KPNA3: variants seen among roughly 807,000 people sequenced by gnomAD.
KPNA3 encodes the protein karyopherin subunit alpha 3, also known as importin subunit alpha-4.
In KPNA3, 13 loss-of-function variants were observed where a neutral mutation model predicts 73.8. That is an observed-to-expected ratio of 0.18 (90% CI 0.11 to 0.28). The LOEUF is 0.28. Among genes scored for constraint, KPNA3 ranks in the 10% least tolerant of loss-of-function variants. The probability of loss-of-function intolerance (pLI) is 1.00; values close to 1 mark genes in which losing one functional copy is unlikely to be tolerated. For missense variants in KPNA3, 360 were observed against 618.1 expected (o/e 0.58, Z 4.43); for synonymous variants, 186 against 206.9 (o/e 0.90, Z 0.87).
chr13:49,707,716 CTA>C (rs1276383009), intron 12 of KPNA3, among the ~76,000 whole-genome samples: 2 of 151,562 alleles, frequency 1.3e-5, no homozygotes, highest in Non-Finnish European at 1.5e-5. Context: ...AAAAAATCAC[CTA>C]TATTGTTAAA....
chr13:49,763,705 GGGCA>G (rs1954786934), intron 1 of KPNA3, among the ~76,000 whole-genome samples: 1 of 152,086 alleles, frequency 6.6e-6, no homozygotes, highest in African/African-American at 2.4e-5. Flanking sequence ...AGGCCTAGGT[GGGCA>G]GATCATCTGA....
At chr13:49,706,505 G>A in intron 12 of KPNA3, 133 bp from the exon 13 acceptor site, 4 of 571,046 alleles carry the variant, frequency 7.0e-6, no homozygotes, top group Non-Finnish European at 9.0e-6. Context: ...AAAGTGATTA[G>A]GTATACAAAA....
rs1954483993 is a variant in KPNA3, at chr13:49,732,975, A to G, written c.186T>C (p.Val62=). ...PQEESLEDSD[V]DADFKAQNVT... is the part of the protein sequence containing the mutation. ...AACTTACTGCTTTAAAATCAGCATC[A>G]ACATCTGAATCTTCTAGACTTTCTT... Residue 62 remains valine (V), a synonymous_variant, in exon 3 of 17, where the codon GTT becomes GTC. Coordinates refer to ENST00000261667, the MANE Select transcript of KPNA3 (RefSeq NM_002267.4). 1 of 1,605,142 alleles carries G rather than the reference A, an allele frequency of 6.2e-7. No individual in the cohort carries two copies.
At chr13:49,784,922 C>T (rs1344138794) in intron 1 of KPNA3, among the ~76,000 whole-genome samples, 4 of 151,954 alleles carry the variant, frequency 2.6e-5, no homozygotes, top group Non-Finnish European at 5.9e-5. Context: ...ATAATTGCAA[C>T]GAGAAAGATA....
Position 49,706,328 on chromosome 13 carries a change from T to A in KPNA3, c.1077A>T (p.Gln359His). ...CAGCATCTATTACAGCTTGAACTTGTTGCTGGTTGCCTGCTGTTATGTTGG... is the reference window on the plus strand; with the variant it reads ...CAGCATCTATTACAGCTTGAACTTGATGCTGGTTGCCTGCTGTTATGTTGG... ...FLSNITAGNQ[Q>H]QVQAVIDAGL... Residue 359 changes from glutamine to histidine, a missense_variant, in exon 13 of 17, where the codon CAA (glutamine) becomes CAT (histidine). Physicochemically the swap from Gln to His is conservative, Grantham distance 24. Around this residue, in one of 3 missense-constraint regions of KPNA3, gnomAD observed 287 missense variants for 549.1 expected, o/e 0.52. Transcript: ENST00000261667. The A allele has an allele frequency of 2.5e-6, 4 of 1,614,176 alleles. No individual in the cohort carries two copies. Among genetic ancestry groups the A allele is most frequent in the Non-Finnish European group, 3.4e-6 (4 of 1,180,008 alleles).
At chr13:49,731,869 A>C (rs1302737708) in intron 6 of KPNA3, among the ~76,000 whole-genome samples, 1 of 152,234 alleles carries the variant, frequency 6.6e-6, no homozygotes, top group Non-Finnish European at 1.5e-5. Context: ...CTTAATTTGC[A>C]GCAAACAAAA....
chr13:49,741,748 C>G (rs1954576370), intron 2 of KPNA3, among the ~76,000 whole-genome samples: 1 of 152,158 alleles, frequency 6.6e-6, no homozygotes, highest in Non-Finnish European at 1.5e-5. Flanking sequence ...GCCACCGTGC[C>G]CAATCCTTGC....
In KPNA3 at chr13:49,722,523, A is replaced by C; in HGVS notation, c.510T>G (p.His170Gln). 2 of 1,612,094 alleles carry C rather than the reference A, an allele frequency of 1.2e-6. No individual in the cohort carries two copies. The highest frequency in any genetic ancestry group is 1.7e-5 in the Admixed American group (1 of 59,934). ...ATACTGCTTGTTCACAAACATTCTG[A>C]TGTGGTGAACGAAGAAGTCTCAGAA... Reference protein sequence around the residue: ...PLFLRLLRSPHQNVCEQAVWA... With the variant: ...PLFLRLLRSPQQNVCEQAVWA... The change falls in exon 8 of 17, where the codon CAT (histidine) becomes CAG (glutamine). Residue 170 changes from histidine to glutamine, a missense_variant. His to Gln is a conservative substitution (Grantham distance 24). Transcript: ENST00000261667.
intron 1 of KPNA3, among the ~76,000 whole-genome samples, chr13:49,789,514 G>GTTTATA (rs1224850736): frequency 1.3e-5 from 2 of 151,772 alleles, no homozygotes; most frequent in Non-Finnish European, 2.9e-5. Context: ...TGTATCAGCT[G>GTTTATA]CTTCTATAAT....
intron 6 of KPNA3, among the ~76,000 whole-genome samples, chr13:49,731,700 T>C (rs1183361114): frequency 6.6e-6 from 1 of 152,208 alleles, no homozygotes; most frequent in African/African-American, 2.4e-5. Context: ...GTTTTGGAGT[T>C]CAAACTTATA....
At chr13:49,737,093 A>G (rs1298193530) in intron 2 of KPNA3, among the ~76,000 whole-genome samples, 1 of 152,168 alleles carries the variant, frequency 6.6e-6, no homozygotes, top group South Asian at 2.1e-4. Context: ...CAGTATGTCT[A>G]TTTACCCATT....
intron 1 of KPNA3, among the ~76,000 whole-genome samples, chr13:49,748,473 C>T (rs1954636614): frequency 6.6e-6 from 1 of 151,948 alleles, no homozygotes; most frequent in Non-Finnish European, 1.5e-5. Context: ...GCTATATGAT[C>T]ATGGTATATT....
chr13:49,733,596 G>A (rs146154736), intron 2 of KPNA3, among the ~76,000 whole-genome samples: 4 of 152,074 alleles, frequency 2.6e-5, no homozygotes, highest in Non-Finnish European at 4.4e-5. Flanking sequence ...GCCTATTTGC[G>A]TAAGTTTGCT....
At chr13:49,717,440 GAAA>G (rs61581557) in intron 10 of KPNA3, among the ~76,000 whole-genome samples, 1 of 126,920 alleles carries the variant, frequency 7.9e-6, no homozygotes, top group Non-Finnish European at 1.6e-5. Context: ...GGAAAAAAAA[GAAA>G]AAAAAAAAAA....
chr13:49,734,954 T>TAGATAGAGAGAGAGAG lies in KPNA3; in HGVS notation c.115-1909_115-1908insCTCTCTCTCTCTATCT, dbSNP rs144444749. ...ATATATATATAGAGAGAGAGATAGATAGAGAGAGAGAGAGAGAGAGACATT... is the reference window on the plus strand; with the variant it reads ...ATATATATATAGAGAGAGAGATAGATAGATAGAGAGAGAGAGAGAGAGAGAGAGAGAGAGAGACATT... On this transcript the variant is annotated intron_variant, in intron 2 of 16. Transcript: ENST00000261667. 1.5e-4 allele frequency among the ~76,000 whole-genome samples: 22 copies of TAGATAGAGAGAGAGAG among 145,902 alleles called. 1 individual carries two copies. In the South Asian group the frequency reaches 4.5e-3, roughly 30 times the overall value.
At chr13:49,753,044 A>G (rs906033916) in intron 1 of KPNA3, among the ~76,000 whole-genome samples, 1 of 150,078 alleles carries the variant, frequency 6.7e-6, no homozygotes, top group Admixed American at 6.7e-5. Flanking sequence ...AAAAAAAAAA[A>G]AAAAAAAAAG....
chr13:49,701,942 T>C (rs2137527483), intron 16 of KPNA3, 44 bp from the exon 17 acceptor site: 3 of 1,275,776 alleles, frequency 2.4e-6, no homozygotes, highest in South Asian at 1.2e-5. Context: ...TATGATACTA[T>C]ACATTATGAT....
Position 49,701,875 on chromosome 13 carries a change from A to C in KPNA3, c.1491T>G (p.Ile497Met). The C allele has an allele frequency of 6.2e-7, 1 of 1,611,864 alleles. No homozygotes were observed. The highest frequency in any genetic ancestry group is 8.5e-7 in the Non-Finnish European group (1 of 1,177,936). ...GDDIDEDPCLIPEATQGGTYN... is the reference protein window; with the variant it reads ...GDDIDEDPCLMPEATQGGTYN... ...AGGTACCTCCTTGTGTTGCTTCAGG[A>C]ATGAGGCAGGGATCTTCATCAATCT... Residue 497 changes from isoleucine to methionine, a missense_variant, in exon 17 of 17, where the codon ATT becomes ATG. Coordinates refer to ENST00000261667, the MANE Select transcript of KPNA3 (RefSeq NM_002267.4).
At chr13:49,704,422 ATAAATAAATAAAAAAT>A (rs1566330736) in intron 15 of KPNA3, among the ~76,000 whole-genome samples, 2 of 117,494 alleles carry the variant, frequency 1.7e-5, no homozygotes, top group East Asian at 2.7e-4. Context: ...CAAAAAAAAA[ATAAATAAATAAAAAAT>A]AAATAAATAA....
Sources: gnomAD v4.1 joint callset for allele counts (sites outside exome capture counted in the v4.1 genomes callset) on GRCh38, gnomAD v4.1.1 for gene constraint, gnomAD v4.1.1 regional missense constraint, MANE v1.5 for transcripts, NCBI Gene and HGNC (gene_info 2026-07-23, HGNC 2026-07-21) for gene names.